The following ZNF385B variants were observed in gnomAD, a reference collection of about 807,000 sequenced individuals.
ZNF385B encodes the protein zinc finger protein 385B, also known as zinc finger protein 533.
ZNF385B carries 23 observed loss-of-function variants against 39.2 expected under a neutral mutation model. The ratio of observed to expected loss-of-function variants is 0.59; its 90% CI spans 0.42 to 0.83. The LOEUF (loss-of-function observed/expected upper bound fraction) is 0.83. Among genes scored for constraint, ZNF385B ranks in the 40% least tolerant of loss-of-function variants. ZNF385B has a pLI of 0.00. For missense variants in ZNF385B, 552 were observed against 598.9 expected (o/e 0.92, Z 0.82); for synonymous variants, 205 against 222.6 (o/e 0.92, Z 0.70).
intron 3 of ZNF385B, among the ~76,000 whole-genome samples, chr2:179,727,514 A>G (rs185291360): frequency 3.5e-4 from 54 of 152,184 alleles, no homozygotes; most frequent in African/African-American, 1.3e-3. Flanking sequence ...TTTAAGGAGT[A>G]ATCATGGGAA....
At chr2:179,540,848 C>T (rs2059878683) in intron 4 of ZNF385B, among the ~76,000 whole-genome samples, 1 of 152,140 alleles carries the variant, frequency 6.6e-6, no homozygotes, top group Admixed American at 6.5e-5. Flanking sequence ...TTAATTCAGA[C>T]TTGAAGAGTC....
intron 3 of ZNF385B, among the ~76,000 whole-genome samples, chr2:179,633,952 T>C (rs1032885968): frequency 2.0e-5 from 3 of 152,060 alleles, no homozygotes; most frequent in African/African-American, 4.8e-5. Context: ...AAACAAGCAA[T>C]GGGAAAAGGA....
At chr2:179,717,215 T>A (rs1403466601) in intron 3 of ZNF385B, among the ~76,000 whole-genome samples, 4 of 152,258 alleles carry the variant, frequency 2.6e-5, no homozygotes, top group African/African-American at 9.6e-5. Flanking sequence ...ACTGCTTATT[T>A]TCTCATAGCA....
chr2:179,767,571 C>G (rs2106499887), intron 3 of ZNF385B, among the ~76,000 whole-genome samples: 1 of 152,152 alleles, frequency 6.6e-6, no homozygotes, highest in South Asian at 2.1e-4. Flanking sequence ...AGTTGCTACC[C>G]AGCAGGAAAC....
At chr2:179,666,974 T>C (rs923718108) in intron 3 of ZNF385B, among the ~76,000 whole-genome samples, 2 of 152,226 alleles carry the variant, frequency 1.3e-5, no homozygotes, top group African/African-American at 4.8e-5. Flanking sequence ...TTTATCCATA[T>C]TAAGATGAAA....
At chr2:179,620,631 C>G (rs1298197225) in intron 3 of ZNF385B, among the ~76,000 whole-genome samples, 3 of 151,882 alleles carry the variant, frequency 2.0e-5, no homozygotes, top group Non-Finnish European at 4.4e-5. Flanking sequence ...TGACAATAAG[C>G]TAATTTTGGC....
chr2:179,669,671 C>T (rs1209517541), intron 3 of ZNF385B, among the ~76,000 whole-genome samples: 1 of 152,138 alleles, frequency 6.6e-6, no homozygotes, highest in African/African-American at 2.4e-5. Flanking sequence ...AACCAAGAAG[C>T]TTTCATTCAC....
intron 3 of ZNF385B, among the ~76,000 whole-genome samples, chr2:179,736,285 C>G (rs1303911409): frequency 6.6e-6 from 1 of 152,030 alleles, no homozygotes; most frequent in Non-Finnish European, 1.5e-5. Flanking sequence ...GAGCTTACAA[C>G]TTTGTCTAAA....
chr2:179,787,023 T>C (rs141141460), intron 1 of ZNF385B, among the ~76,000 whole-genome samples: 2 of 152,288 alleles, frequency 1.3e-5, no homozygotes, highest in Non-Finnish European at 2.9e-5. Flanking sequence ...CACACACGTA[T>C]TAACCATGTA....
intron 3 of ZNF385B, among the ~76,000 whole-genome samples, chr2:179,653,465 T>A (rs1286354809): frequency 6.6e-6 from 1 of 152,148 alleles, no homozygotes; most frequent in Non-Finnish European, 1.5e-5. Context: ...CCCTTCCTTT[T>A]CAGGAATGGG....
chr2:179,761,342 C>A (rs1486725258), intron 3 of ZNF385B, among the ~76,000 whole-genome samples: 1 of 152,142 alleles, frequency 6.6e-6, no homozygotes, highest in South Asian at 2.1e-4. Context: ...GGAGAACTGG[C>A]ATCTTAATCT....
At chr2:179,793,306 A>G (rs1705457213) in intron 1 of ZNF385B, among the ~76,000 whole-genome samples, 1 of 152,206 alleles carries the variant, frequency 6.6e-6, no homozygotes, top group African/African-American at 2.4e-5. Context: ...AGTGAGCACT[A>G]CCACTCAGCA....
At chr2:179,842,841 C>G in intron 1 of ZNF385B, among the ~76,000 whole-genome samples, 1 of 152,136 alleles carries the variant, frequency 6.6e-6, no homozygotes, top group East Asian at 1.9e-4. Context: ...AAGAAGCCAT[C>G]GGAGTGGTCT....
At chr2:179,859,180 C>T (rs1684841121) in intron 1 of ZNF385B, among the ~76,000 whole-genome samples, 3 of 152,162 alleles carry the variant, frequency 2.0e-5, no homozygotes, top group African/African-American at 7.2e-5. Flanking sequence ...ACAGGTCTCA[C>T]TAATTGGCCA....
At chr2:179,576,066 C>T in intron 3 of ZNF385B, 1 of 880,970 alleles carries the variant, frequency 1.1e-6, no homozygotes, top group Non-Finnish European at 1.4e-6. Flanking sequence ...ACAACACTTG[C>T]CCCGTACCTC....
At chr2:179,852,210 G>A (rs1301863983) in intron 1 of ZNF385B, among the ~76,000 whole-genome samples, 2 of 152,170 alleles carry the variant, frequency 1.3e-5, no homozygotes, top group African/African-American at 4.8e-5. Flanking sequence ...AGAGAAAGAA[G>A]CCTATTTCTT....
intron 6 of ZNF385B, among the ~76,000 whole-genome samples, chr2:179,473,428 G>GT (rs1206284807): frequency 1.3e-5 from 2 of 152,170 alleles, no homozygotes; most frequent in African/African-American, 4.8e-5. Context: ...AATTTACTGA[G>GT]TGTCTGTGGC....
chr2:179,795,853 T>C (rs1468440142), intron 1 of ZNF385B, among the ~76,000 whole-genome samples: 2 of 152,212 alleles, frequency 1.3e-5, no homozygotes, highest in African/African-American at 4.8e-5. Context: ...GAATCTCTTT[T>C]TGAACGTCCA....
At chr2:179,546,257 G>A (rs755092090) in intron 3 of ZNF385B, among the ~76,000 whole-genome samples, 8 of 151,736 alleles carry the variant, frequency 5.3e-5, no homozygotes, top group Admixed American at 1.3e-4. Flanking sequence ...CGCTGGTCTC[G>A]AACTCCTAGG....
Sources: allele counts gnomAD v4.1 joint callset (sites outside exome capture counted in the v4.1 genomes callset), GRCh38; gene constraint gnomAD v4.1.1; transcripts MANE v1.5; gene names NCBI Gene and HGNC (gene_info 2026-07-23, HGNC 2026-07-21).